LTBP1: variants seen among roughly 807,000 people sequenced by gnomAD.
LTBP1 encodes latent transforming growth factor beta binding protein 1, also known as latent-transforming growth factor beta-binding protein 1.
Under a neutral mutation model 207.6 loss-of-function variants are expected in LTBP1, and 129 were observed. That is an observed-to-expected ratio of 0.62 (90% confidence interval 0.54 to 0.72). The LOEUF (loss-of-function observed/expected upper bound fraction) is 0.72. Ranked by LOEUF, LTBP1 falls within the 30% of genes least tolerant of loss-of-function variation. The probability of loss-of-function intolerance (pLI) is 0.00; values close to 1 mark genes in which losing one functional copy is unlikely to be tolerated. For missense variants in LTBP1, 2,281 were observed against 2,217.2 expected, an observed-to-expected ratio of 1.03 and a Z score of -0.58; for synonymous variants, 963 against 833.7, an observed-to-expected ratio of 1.16 and a Z score of -2.67.
chr2:33,259,476 T>G (rs899389255), intron 12 of LTBP1, 112 bp from the exon 13 acceptor site: 2 of 740,014 alleles, frequency 2.7e-6, no homozygotes, highest in Non-Finnish European at 4.2e-6. Flanking sequence ...TTTAGTCTGA[T>G]TCTTAATCCT....
At position 33,055,021 on chromosome 2, in the gene LTBP1, C is replaced by A. The variant is rs140805010; in HGVS notation, c.863+33815C>A. ...CAAGCCCCACCAGATGATTGGCCTG[C>A]TCCATTTTCTGTCCTCTCTGAACCA... On this transcript the variant is annotated intron_variant, in intron 3 of 33. Coordinates refer to ENST00000404816, the MANE Select transcript of LTBP1 (RefSeq NM_206943.4). Among the ~76,000 whole-genome samples, 452 of 152,278 alleles carry A rather than the reference C, an allele frequency of 3.0e-3. 3 individuals are homozygous for A. Among genetic ancestry groups the A allele is most frequent in the African/African-American group, 0.011 (443 of 41,554 alleles).
intron 5 of LTBP1, among the ~76,000 whole-genome samples, chr2:33,173,594 C>G (rs1204457696): frequency 6.7e-6 from 1 of 149,310 alleles, no homozygotes; most frequent in South Asian, 2.1e-4. Flanking sequence ...GAACTGGTAC[C>G]ATTCCTTCTG....
chr2:33,243,531 C>T, intron 9 of LTBP1, 131 bp from the exon 10 acceptor site: 1 of 737,710 alleles, frequency 1.4e-6, no homozygotes. Context: ...AGATTATTCA[C>T]ACCTGCTACA....
chr2:33,063,747 C>A (rs767172016), intron 3 of LTBP1, among the ~76,000 whole-genome samples: 6 of 151,952 alleles, frequency 3.9e-5, no homozygotes, highest in Non-Finnish European at 7.4e-5. Flanking sequence ...TTTATTTTTT[C>A]AATCCATGAA....
intron 26 of LTBP1, among the ~76,000 whole-genome samples, chr2:33,360,321 C>T (rs1365925366): frequency 6.6e-6 from 1 of 152,320 alleles, no homozygotes; most frequent in Middle Eastern, 3.4e-3. Flanking sequence ...ACTCTACTCA[C>T]AGCCAAATCT....
chr2:33,271,165 T>C (rs1200580666), intron 15 of LTBP1, among the ~76,000 whole-genome samples: 1 of 152,232 alleles, frequency 6.6e-6, no homozygotes, highest in Non-Finnish European at 1.5e-5. Flanking sequence ...AAATGACAAA[T>C]ACTTGGTAAT....
At chr2:32,970,924 G>C (rs544310760) in intron 2 of LTBP1, among the ~76,000 whole-genome samples, 1 of 150,044 alleles carries the variant, frequency 6.7e-6, no homozygotes, top group South Asian at 2.1e-4. Context: ...TGTGTCAATT[G>C]TTATTTCTTT....
At chr2:33,288,609 A>T (rs2093711809) in intron 19 of LTBP1, among the ~76,000 whole-genome samples, 1 of 152,154 alleles carries the variant, frequency 6.6e-6, no homozygotes, top group South Asian at 2.1e-4. Flanking sequence ...TAATCTCAGC[A>T]CTTTGGGAGG....
intron 10 of LTBP1, among the ~76,000 whole-genome samples, chr2:33,246,650 T>G (rs1343683465): frequency 1.3e-5 from 2 of 152,134 alleles, no homozygotes; most frequent in Non-Finnish European, 2.9e-5. Flanking sequence ...GCATACAAGG[T>G]GTGGCTGACT....
At chr2:33,020,748 T>A (rs1003261445) in intron 2 of LTBP1, among the ~76,000 whole-genome samples, 161 bp from the exon 3 acceptor site, 4 of 152,196 alleles carry the variant, frequency 2.6e-5, no homozygotes, top group African/African-American at 9.7e-5. Context: ...TTAGCTCTCT[T>A]CCCCCTCCTC....
chr2:33,303,352 C>CT (rs762959638), intron 22 of LTBP1, among the ~76,000 whole-genome samples: 4,067 of 132,908 alleles, frequency 0.031, 110 homozygotes, highest in Non-Finnish European at 0.043. Context: ...GTTAGATTTT[C>CT]TTTTTTTTTT....
chr2:33,003,223 A>G (rs1426061821), intron 2 of LTBP1, among the ~76,000 whole-genome samples: 3 of 152,198 alleles, frequency 2.0e-5, no homozygotes, highest in African/African-American at 7.2e-5. Flanking sequence ...TCAAATGTAG[A>G]AAGACATTTT....
chr2:33,376,915 G>A (rs757033198), intron 31 of LTBP1, among the ~76,000 whole-genome samples: 13 of 151,938 alleles, frequency 8.6e-5, no homozygotes, highest in Admixed American at 3.9e-4. Flanking sequence ...GGGACAGTAC[G>A]TACATAAGAG....
At chr2:33,275,291 G>A (rs1329400518) in intron 17 of LTBP1, among the ~76,000 whole-genome samples, 1 of 152,054 alleles carries the variant, frequency 6.6e-6, no homozygotes, top group African/African-American at 2.4e-5. Flanking sequence ...TGTCATATAT[G>A]TGCATAGACA....
At chr2:33,067,124 A>T (rs2077552244) in intron 3 of LTBP1, among the ~76,000 whole-genome samples, 1 of 152,194 alleles carries the variant, frequency 6.6e-6, no homozygotes, top group Admixed American at 6.5e-5. Context: ...GTGAGCTGTG[A>T]TCATGCCACT....
At chr2:33,094,642 T>C (rs2079294183) in intron 3 of LTBP1, among the ~76,000 whole-genome samples, 2 of 152,188 alleles carry the variant, frequency 1.3e-5, no homozygotes, top group Non-Finnish European at 2.9e-5. Context: ...TTTACTGTAA[T>C]TGGCTTGCAG....
In LTBP1 at chr2:33,244,707, C is replaced by T. The variant is rs1573394660; in HGVS notation, c.1999+923C>T. ...AGGCTGGACTCAAATGATCACTGTTCAGCCTGCTGAGTAGCATGACTATAG... is the reference window on the plus strand; with the variant it reads ...AGGCTGGACTCAAATGATCACTGTTTAGCCTGCTGAGTAGCATGACTATAG... On this transcript the variant is annotated intron_variant, in intron 10 of 33. Transcript: ENST00000404816. Among the ~76,000 whole-genome samples, 4 of 151,776 alleles carry T rather than the reference C, an allele frequency of 2.6e-5. No homozygotes were observed. In the South Asian group the frequency reaches 6.2e-4, roughly 24 times the overall value.
chr2:33,011,104 A>G (rs968941856), intron 2 of LTBP1, among the ~76,000 whole-genome samples: 4 of 152,150 alleles, frequency 2.6e-5, no homozygotes, highest in African/African-American at 9.7e-5. Flanking sequence ...ACATATTTGC[A>G]TACAAAATTC....
rs1288597007 is a variant in LTBP1 at position 33,092,027 on chromosome 2, A to C, written c.864-18555A>C. ...TGGAGAGTAGCCTTTTTACATCTTG[A>C]GTTTTTCATCTACAAATTGTGAGGG... On this transcript the variant is annotated intron_variant, in intron 3 of 33. Transcript: ENST00000404816. Among the ~76,000 whole-genome samples the C allele has an allele frequency of 2.0e-5, 3 of 152,142 alleles. No homozygotes were observed. In the East Asian group the frequency reaches 5.8e-4, roughly 29 times the overall value.
Sources: gnomAD v4.1 joint callset for allele counts (sites outside exome capture counted in the v4.1 genomes callset) on GRCh38, gnomAD v4.1.1 for gene constraint, MANE v1.5 for transcripts, NCBI Gene and HGNC (gene_info 2026-07-23, HGNC 2026-07-21) for gene names.